The following DCAF8 variants were observed in gnomAD, a reference collection of about 807,000 sequenced individuals.
DCAF8 encodes the protein DDB1 and CUL4 associated factor 8.
A neutral mutation model predicts 68.0 loss-of-function variants in DCAF8; 20 were observed. That is an observed-to-expected ratio of 0.29 (90% CI 0.21 to 0.43). The LOEUF (loss-of-function observed/expected upper bound fraction) is 0.43. Ranked by LOEUF, DCAF8 falls within the 20% of genes least tolerant of loss-of-function variation. The pLI is 1.00. For synonymous variants in DCAF8, 230 were observed against 276.9 expected (o/e 0.83, Z 1.68); for missense variants, 460 against 771.0 (o/e 0.60, Z 4.78).
intron 2 of DCAF8, among the ~76,000 whole-genome samples, chr1:160,255,281 T>C (rs1656785222): frequency 1.3e-5 from 2 of 152,214 alleles, no homozygotes; most frequent in African/African-American, 4.8e-5. Flanking sequence ...TCTCCCTCTT[T>C]TAATTTTTAA....
intron 2 of DCAF8, among the ~76,000 whole-genome samples, chr1:160,259,021 T>A (rs1160468269): frequency 1.3e-5 from 2 of 152,164 alleles, no homozygotes; most frequent in Admixed American, 1.3e-4. Flanking sequence ...ATCCTTACCT[T>A]ACAATGGAGA....
chr1:160,253,957 G>T (rs1656717279), intron 2 of DCAF8, among the ~76,000 whole-genome samples: 1 of 152,228 alleles, frequency 6.6e-6, no homozygotes, highest in African/African-American at 2.4e-5. Flanking sequence ...CTCAGAGATT[G>T]AATGGAATGC....
intron 10 of DCAF8, among the ~76,000 whole-genome samples, chr1:160,223,822 C>T (rs1324379070): frequency 6.6e-6 from 1 of 152,110 alleles, no homozygotes; most frequent in African/African-American, 2.4e-5. Flanking sequence ...CACCTGAGCC[C>T]GGGAGGTTGA....
At chr1:160,241,155 A>T (rs1656100091) in intron 3 of DCAF8, among the ~76,000 whole-genome samples, 1 of 152,150 alleles carries the variant, frequency 6.6e-6, no homozygotes, top group African/African-American at 2.4e-5. Context: ...CCATCTCAAA[A>T]AAAAGAAAGT....
intron 3 of DCAF8, among the ~76,000 whole-genome samples, chr1:160,242,700 TCCA>T (rs780659649): frequency 6.6e-6 from 1 of 152,044 alleles, no homozygotes; most frequent in African/African-American, 2.4e-5. Context: ...CATACGGAGC[TCCA>T]CCACAACTAC....
chr1:160,239,063 C>G (rs1189446972), intron 4 of DCAF8: 1 of 706,894 alleles, frequency 1.4e-6, no homozygotes, highest in Non-Finnish European at 1.8e-6. Context: ...GAAAAATCTA[C>G]TTTGATTAAG....
At chr1:160,245,331 G>C (rs1243138243) in intron 2 of DCAF8, among the ~76,000 whole-genome samples, 1 of 152,146 alleles carries the variant, frequency 6.6e-6, no homozygotes, top group Non-Finnish European at 1.5e-5. Flanking sequence ...TGGACAAAAG[G>C]CACTAGTAAA....
In DCAF8 at chr1:160,217,214, T is replaced by C. The variant is rs184178316; in HGVS notation, c.*378A>G. 106 of 171,216 alleles carry C rather than the reference T, an allele frequency of 6.2e-4. No individual in the cohort carries two copies. The highest frequency in any genetic ancestry group is 9.7e-4 in the Non-Finnish European group (79 of 81,038). 10.6% of individuals were successfully genotyped at this position (171,216 alleles called of 1,614,324 possible). A position where few individuals can be genotyped will look rare whatever the true frequency, so the allele number is the denominator to read the frequency against. On this transcript the variant is annotated 3_prime_UTR_variant, in exon 14 of 14. Coordinates refer to ENST00000368074, the MANE Select transcript of DCAF8 (RefSeq NM_015726.4). ...TCCACTCTGGCCCCTTGGTACTGAA[T>C]AGCCAGTTGTTCCCCCCACCCCTCC...
intron 12 of DCAF8, 108 bp downstream of exon 12, chr1:160,218,741 G>T: frequency 6.7e-7 from 1 of 1,499,412 alleles, no homozygotes; most frequent in Non-Finnish European, 9.1e-7. Flanking sequence ...GGGTGTTAGA[G>T]CAGTGCCTTT....
intron 2 of DCAF8, among the ~76,000 whole-genome samples, chr1:160,244,767 G>A (rs1490257162): frequency 1.3e-5 from 2 of 151,912 alleles, no homozygotes; most frequent in African/African-American, 2.4e-5. Context: ...ACAGGCGCCT[G>A]CCACCATGCC....
chr1:160,222,809 A>C (rs767112541), intron 10 of DCAF8, 28 bp from the exon 11 acceptor site: 1 of 1,614,046 alleles, frequency 6.2e-7, no homozygotes, highest in South Asian at 1.1e-5. Flanking sequence ...GGAAGAAACC[A>C]CATGAGGGTT....
At chr1:160,257,424 A>G (rs1296264823) in intron 2 of DCAF8, among the ~76,000 whole-genome samples, 1 of 152,234 alleles carries the variant, frequency 6.6e-6, no homozygotes, top group Non-Finnish European at 1.5e-5. Context: ...TACAGTAGAA[A>G]TAATGGAGTA....
chr1:160,249,007 C>T (rs12082427), intron 2 of DCAF8, among the ~76,000 whole-genome samples: 11,819 of 152,090 alleles, frequency 0.078, 1,563 homozygotes, highest in African/African-American at 0.27. Context: ...GCCTGACCAA[C>T]GTGGTAAAAC....
intron 2 of DCAF8, among the ~76,000 whole-genome samples, chr1:160,249,322 G>T (rs1001651335): frequency 6.6e-6 from 1 of 152,140 alleles, no homozygotes; most frequent in Non-Finnish European, 1.5e-5. Flanking sequence ...GTCAAAAATT[G>T]TTTAAATAAC....
chr1:160,225,468 A>C (rs1157032896), intron 8 of DCAF8, 123 bp downstream of exon 8: 7 of 741,066 alleles, frequency 9.4e-6, no homozygotes, highest in Non-Finnish European at 1.6e-5. Context: ...TGGTAAAGCC[A>C]GGATTCAAAT....
At chr1:160,248,052 T>A (rs1381465742) in intron 2 of DCAF8, among the ~76,000 whole-genome samples, 1 of 152,196 alleles carries the variant, frequency 6.6e-6, no homozygotes, top group East Asian at 1.9e-4. Context: ...AGGCCTGTAA[T>A]CCCAGCACTT....
At chr1:160,248,898 A>G (rs1301693121) in intron 2 of DCAF8, among the ~76,000 whole-genome samples, 1 of 151,234 alleles carries the variant, frequency 6.6e-6, no homozygotes, top group Non-Finnish European at 1.5e-5. Context: ...ACCATCTCAA[A>G]AAAAAAAAAG....
intron 2 of DCAF8, among the ~76,000 whole-genome samples, chr1:160,247,880 C>T (rs1213415890): frequency 2.0e-5 from 3 of 152,148 alleles, no homozygotes; most frequent in African/African-American, 7.2e-5. Flanking sequence ...CTAAATATAA[C>T]TTAAAACAAC....
In DCAF8 at chr1:160,218,395, G is replaced by A; in HGVS notation, c.1606C>T (p.Gln536Ter). ...ATGTGACTATCAAACAGGTCAGTTT[G>A]GTGCAAGCTATCTTCATCCCGCTCC... ...KRERDEDSLH[Q>*]TDLFDSHMLW... Residue 536 changes from glutamine (Q) to a stop codon, truncating the protein, a stop_gained, in exon 13 of 14, where the codon CAA becomes TAA. Coordinates refer to ENST00000368074, the MANE Select transcript of DCAF8 (RefSeq NM_015726.4). LOFTEE classifies it high-confidence loss of function. The A allele has an allele frequency of 6.2e-7, 1 of 1,614,166 alleles. No homozygotes were observed. The highest frequency in any genetic ancestry group is 8.5e-7 in the Non-Finnish European group (1 of 1,180,026).
Sources: gnomAD v4.1 joint callset for allele counts (sites outside exome capture counted in the v4.1 genomes callset) on GRCh38, gnomAD v4.1.1 for gene constraint, MANE v1.5 for transcripts, NCBI Gene and HGNC (gene_info 2026-07-23, HGNC 2026-07-21) for gene names.